Variants in PDGFC observed in about 807,000 individuals in gnomAD.
PDGFC encodes the protein platelet-derived growth factor C.
Under a neutral mutation model 35.5 loss-of-function variants are expected in PDGFC, and 12 were observed. That is an observed-to-expected ratio of 0.34 (90% CI 0.22 to 0.55). The LOEUF is 0.55. PDGFC is among the 20% of genes least tolerant of loss of function. The probability of loss-of-function intolerance (pLI) is 0.91; values close to 1 mark genes in which losing one functional copy is unlikely to be tolerated. For synonymous variants in PDGFC, 159 were observed against 148.8 expected, an observed-to-expected ratio of 1.07 and a Z score of -0.50; for missense variants, 322 against 412.4, an observed-to-expected ratio of 0.78 and a Z score of 1.90.
In PDGFC at chr4:156,873,486, T is replaced by C. The variant is rs115919983; in HGVS notation, c.119-23070A>G. On this transcript the variant is annotated intron_variant, in intron 1 of 5. Transcript: ENST00000502773. ...TAAAAGGGCATGTTCTTCATCTTAA[T>C]AGTTGATAATTAATAAATATTCAGT... 8.4e-3 allele frequency among the ~76,000 whole-genome samples: 1,273 copies of C among 152,340 alleles called. 14 individuals are homozygous for C. The highest frequency in any genetic ancestry group is 0.013 in the Non-Finnish European group (901 of 68,032).
chr4:156,814,553 A>C (rs1174260433), intron 2 of PDGFC, among the ~76,000 whole-genome samples: 1 of 152,122 alleles, frequency 6.6e-6, no homozygotes, highest in Non-Finnish European at 1.5e-5. Flanking sequence ...TTGTGTACAA[A>C]ATTTTCTTGA....
intron 1 of PDGFC, among the ~76,000 whole-genome samples, chr4:156,882,747 T>C (rs1378850137): frequency 2.0e-5 from 3 of 152,174 alleles, no homozygotes; most frequent in Non-Finnish European, 4.4e-5. Flanking sequence ...TGTGACTGTA[T>C]TATTTGACAC....
At chr4:156,919,022 TA>T (rs1560872840) in intron 1 of PDGFC, among the ~76,000 whole-genome samples, 1 of 152,174 alleles carries the variant, frequency 6.6e-6, no homozygotes, top group African/African-American at 2.4e-5. Context: ...CCAACAATAT[TA>T]AATGTCCTCT....
At position 156,760,823 on chromosome 4, in the gene PDGFC, G is replaced by A. The variant is rs1730359470; in HGVS notation, c.*2267C>T. ...GGGAAAATATATTTCGTTCAAAGAT[G>A]GGAAACAATGGATTAAACACAGTTA... is the stretch of plus-strand genomic sequence containing the variant. On this transcript the variant is annotated 3_prime_UTR_variant, in exon 6 of 6. Coordinates refer to ENST00000502773, the MANE Select transcript of PDGFC (RefSeq NM_016205.3). 1 of 152,044 alleles carries A rather than the reference G, an allele frequency of 6.6e-6. No individual in the cohort carries two copies. The highest frequency in any genetic ancestry group is 6.6e-5 in the Admixed American group (1 of 15,244). 9.4% of individuals were successfully genotyped at this position (152,044 alleles called of 1,614,324 possible). A position where few individuals can be genotyped will look rare whatever the true frequency, so the allele number is the denominator to read the frequency against.
intron 3 of PDGFC, among the ~76,000 whole-genome samples, chr4:156,787,127 G>T (rs768860196): frequency 2.6e-5 from 4 of 152,140 alleles, no homozygotes; most frequent in Non-Finnish European, 5.9e-5. Flanking sequence ...AGGAAGAGGT[G>T]CCATGGTTAT....
chr4:156,954,551 T>C (rs1470935146), intron 1 of PDGFC, among the ~76,000 whole-genome samples: 1 of 152,024 alleles, frequency 6.6e-6, no homozygotes, highest in Non-Finnish European at 1.5e-5. Context: ...GTCATGCTCT[T>C]CTCTATAATA....
In PDGFC at chr4:156,828,082, C is replaced by T. The variant is rs575929484; in HGVS notation, c.315-17065G>A. 7.2e-5 allele frequency among the ~76,000 whole-genome samples: 11 copies of T among 152,284 alleles called. No individual in the cohort carries two copies. In the East Asian group the frequency reaches 1.7e-3, roughly 24 times the overall value. On this transcript the variant is annotated intron_variant, in intron 2 of 5. Transcript: ENST00000502773. ...GCCGGAAATGTTATATAATATAATA[C>T]CTCTTTCTCACTCTGTCACTTTCAC... is the stretch of plus-strand genomic sequence containing the variant.
intron 3 of PDGFC, among the ~76,000 whole-genome samples, chr4:156,785,739 T>C (rs1731106157): frequency 6.6e-6 from 1 of 152,300 alleles, no homozygotes; most frequent in South Asian, 2.1e-4. Flanking sequence ...TACGGGACTA[T>C]TAAAATAATG....
At chr4:156,902,795 T>A (rs1347071768) in intron 1 of PDGFC, among the ~76,000 whole-genome samples, 1 of 152,170 alleles carries the variant, frequency 6.6e-6, no homozygotes, top group African/African-American at 2.4e-5. Flanking sequence ...TAGCTTTGGT[T>A]CATTTGATTG....
At chr4:156,856,745 G>A (rs969702436) in intron 1 of PDGFC, among the ~76,000 whole-genome samples, 2 of 152,006 alleles carry the variant, frequency 1.3e-5, no homozygotes, top group African/African-American at 4.8e-5. Flanking sequence ...CTTCACTCCT[G>A]AACTTCCAGA....
chr4:156,970,370 TGCG>T (rs1299157141), intron 1 of PDGFC, among the ~76,000 whole-genome samples: 2 of 152,208 alleles, frequency 1.3e-5, no homozygotes, highest in Non-Finnish European at 2.9e-5. Flanking sequence ...CTTCAATTAA[TGCG>T]GCTGATATAT....
At chr4:156,826,665 T>G (rs1465835431) in intron 2 of PDGFC, among the ~76,000 whole-genome samples, 2 of 152,212 alleles carry the variant, frequency 1.3e-5, no homozygotes, top group Non-Finnish European at 2.9e-5. Flanking sequence ...CAAAAGGTGA[T>G]GGACTTTAGA....
chr4:156,899,124 A>G (rs533536381), intron 1 of PDGFC, among the ~76,000 whole-genome samples: 1 of 152,364 alleles, frequency 6.6e-6, no homozygotes, highest in East Asian at 1.9e-4. Flanking sequence ...TGGGTTCCAC[A>G]TTTGTGGATT....
intron 1 of PDGFC, among the ~76,000 whole-genome samples, chr4:156,937,675 T>C (rs1390761490): frequency 1.3e-5 from 2 of 152,170 alleles, no homozygotes; most frequent in Non-Finnish European, 2.9e-5. Flanking sequence ...CAACCTAACC[T>C]GGGCAACAAA....
intron 1 of PDGFC, among the ~76,000 whole-genome samples, chr4:156,943,616 T>TC (rs1731867485): frequency 6.6e-6 from 1 of 152,184 alleles, no homozygotes; most frequent in East Asian, 1.9e-4. Flanking sequence ...CCTTTTTTTT[T>TC]CACTCGACCC....
intron 1 of PDGFC, among the ~76,000 whole-genome samples, chr4:156,951,781 G>A (rs1015126507): frequency 6.7e-6 from 1 of 149,684 alleles, no homozygotes; most frequent in Admixed American, 6.7e-5. Flanking sequence ...AGACTTCATT[G>A]CACAAGGGAT....
At chr4:156,910,633 C>T (rs940351270) in intron 1 of PDGFC, among the ~76,000 whole-genome samples, 17 of 152,096 alleles carry the variant, frequency 1.1e-4, no homozygotes, top group Non-Finnish European at 2.2e-4. Flanking sequence ...CTTCTTGAGA[C>T]GGCTGTAGCA....
intron 1 of PDGFC, chr4:156,886,707 T>C (rs1730385062): frequency 6.6e-6 from 1 of 152,180 alleles, no homozygotes; most frequent in Non-Finnish European, 1.5e-5. Context: ...TGACCAATAA[T>C]GGAGAACTTG....
At chr4:156,908,460 T>C (rs1277345495) in intron 1 of PDGFC, among the ~76,000 whole-genome samples, 1 of 152,202 alleles carries the variant, frequency 6.6e-6, no homozygotes, top group African/African-American at 2.4e-5. Flanking sequence ...ATATAAATGA[T>C]AATAGCTGCC....
Sources: gnomAD v4.1 joint callset for allele counts (sites outside exome capture counted in the v4.1 genomes callset) on GRCh38, gnomAD v4.1.1 for gene constraint, MANE v1.5 for transcripts, NCBI Gene and HGNC (gene_info 2026-07-23, HGNC 2026-07-21) for gene names.